Variants in B4GALT5 observed in about 807,000 individuals in gnomAD.
B4GALT5 encodes UDP-Gal:beta-GlcNAc beta-1,4-galactosyltransferase 5.
In B4GALT5, 11 loss-of-function variants were observed where a neutral mutation model predicts 45.0. That is an observed-to-expected ratio of 0.24 (90% confidence interval 0.15 to 0.40). The LOEUF (loss-of-function observed/expected upper bound fraction) is 0.40. B4GALT5 is among the 10% of genes least tolerant of loss of function. The probability of loss-of-function intolerance (pLI) is 1.00; values close to 1 mark genes in which losing one functional copy is unlikely to be tolerated. For synonymous variants in B4GALT5, 185 were observed against 182.9 expected (o/e 1.01, Z -0.09); for missense variants, 337 against 500.2 (o/e 0.67, Z 3.11).
chr20:49,663,537 ACGT>A (rs1276677436), intron 1 of B4GALT5, among the ~76,000 whole-genome samples: 20 of 151,272 alleles, frequency 1.3e-4, no homozygotes, highest in African/African-American at 4.8e-4. Context: ...TTGGACATTT[ACGT>A]ATTAAAAAAA....
chr20:49,642,725 G>A (rs1601246389), intron 4 of B4GALT5, 141 bp from the exon 5 acceptor site: 1 of 645,036 alleles, frequency 1.6e-6, no homozygotes, highest in Non-Finnish European at 2.8e-6. Context: ...TCTAAACAAA[G>A]ATCTATGTTG....
chr20:49,667,264 T>G lies in B4GALT5; in HGVS notation c.116-10562A>C, dbSNP rs1383384547. 7.2e-5 allele frequency among the ~76,000 whole-genome samples: 11 copies of G among 151,978 alleles called. No individual in the cohort carries two copies. In the East Asian group the frequency reaches 2.1e-3, roughly 29 times the overall value. On this transcript the variant is annotated intron_variant, in intron 1 of 8. Transcript: ENST00000371711. ...TTTTTTGGCTTGTGTTGTTGTTGTT[T>G]TTTTTGAGACGGACTCTCGCTGTCA...
At chr20:49,713,172 GGGGAATGCC>G (rs1203134340) in intron 1 of B4GALT5, among the ~76,000 whole-genome samples, 1 of 151,732 alleles carries the variant, frequency 6.6e-6, no homozygotes, top group Non-Finnish European at 1.5e-5. Flanking sequence ...ACTGGGGTGC[GGGGAATGCC>G]GGGAATGGGG....
chr20:49,695,237 T>C (rs900518036), intron 1 of B4GALT5, among the ~76,000 whole-genome samples: 8 of 151,644 alleles, frequency 5.3e-5, no homozygotes, highest in African/African-American at 1.9e-4. Context: ...CTTTTGCTCA[T>C]GTTGCCCAGG....
chr20:49,665,791 G>C (rs2085687875), intron 1 of B4GALT5, among the ~76,000 whole-genome samples: 1 of 150,036 alleles, frequency 6.7e-6, no homozygotes, highest in South Asian at 2.1e-4. Context: ...GGTAATTCTA[G>C]AGTATGGTCC....
At chr20:49,639,937 A>G in intron 6 of B4GALT5, 137 bp from the exon 7 acceptor site, 2 of 1,244,636 alleles carry the variant, frequency 1.6e-6, no homozygotes, top group South Asian at 3.1e-5. Flanking sequence ...AAATTAGCAA[A>G]ATTAATTTTT....
chr20:49,694,495 A>T (rs6019977), intron 1 of B4GALT5, among the ~76,000 whole-genome samples: 2,205 of 151,972 alleles, frequency 0.015, 59 homozygotes, highest in African/African-American at 0.05. Context: ...CTACAAAAAA[A>T]TTTTTTAAAA....
rs904116306 is a variant in B4GALT5, at chr20:49,635,489, CG to C, written c.*822del. On this transcript the variant is annotated 3_prime_UTR_variant, in exon 9 of 9. Coordinates refer to ENST00000371711, the MANE Select transcript of B4GALT5 (RefSeq NM_004776.4). ...GAAGCCAGCTCCCAGCAATAAAGGTCGGGTTATTTTGTTCTTTTGTGACATG... is the reference window on the plus strand; with the variant it reads ...GAAGCCAGCTCCCAGCAATAAAGGTCGGTTATTTTGTTCTTTTGTGACATG... The C allele has an allele frequency of 4.6e-5, 7 of 152,130 alleles. No individual in the cohort carries two copies. The highest frequency in any genetic ancestry group is 1.3e-4 in the Admixed American group (2 of 15,270). The allele number at this position is 152,130 out of a possible 1,614,324, so 9.4% of individuals were successfully genotyped here.
At position 49,643,598 on chromosome 20, in the gene B4GALT5, T is replaced by C. The variant is rs1453127924; in HGVS notation, c.417A>G (p.Glu139=). 1 of 1,613,950 alleles carries C rather than the reference T, an allele frequency of 6.2e-7. No individual in the cohort carries two copies. The change falls in exon 4 of 9, where the codon GAA becomes GAG. Residue 139 remains glutamate (E), a synonymous_variant. Coordinates refer to ENST00000371711, the MANE Select transcript of B4GALT5 (RefSeq NM_004776.4). The part of the protein sequence containing the change: ...MSEIGMDYIH[E]LFSKDPTIKL... Reference sequence around the variant, plus strand: ...TGATGGTTGGGTCTTTGGAGAAGAGTTCATGAATGTAATCCATTCCAATTT... The same window carrying C: ...TGATGGTTGGGTCTTTGGAGAAGAGCTCATGAATGTAATCCATTCCAATTT...
intron 1 of B4GALT5, among the ~76,000 whole-genome samples, chr20:49,705,303 A>C (rs1428078532): frequency 6.6e-6 from 1 of 151,942 alleles, no homozygotes; most frequent in Non-Finnish European, 1.5e-5. Flanking sequence ...CCCACAGGAC[A>C]AAAAAAATGG....
In B4GALT5 at chr20:49,634,848, CAG is replaced by C. The variant is rs915328635; in HGVS notation, c.*1462_*1463del. 6.6e-6 allele frequency: 1 copy of C among 152,324 alleles called. No homozygotes were observed. Among genetic ancestry groups the C allele is most frequent in the African/African-American group, 2.4e-5 (1 of 41,454 alleles). 9.4% of individuals were successfully genotyped at this position (152,324 alleles called of 1,614,324 possible). A position where few individuals can be genotyped will look rare whatever the true frequency, so the allele number is the denominator to read the frequency against. On this transcript the variant is annotated 3_prime_UTR_variant, in exon 9 of 9. Coordinates refer to ENST00000371711, the MANE Select transcript of B4GALT5 (RefSeq NM_004776.4). The stretch of plus-strand genomic sequence containing the variant: ...TGCCACCACACTCCAGCTTAGGCGA[CAG>C]AGCCAGACCGTCTTAAAAAACAAAA...
At position 49,636,335 on chromosome 20, in the gene B4GALT5, G is replaced by A; in HGVS notation, c.1144C>T (p.Leu382=). The change falls in exon 9 of 9, where the codon CTG becomes TTG. Residue 382 remains leucine (L), a synonymous_variant. Coordinates refer to ENST00000371711, the MANE Select transcript of B4GALT5 (RefSeq NM_004776.4). The part of the protein sequence containing the change: ...KNITVNLTPE[L]AQVNEY ...TCTCAGTACTCGTTCACCTGAGCCA[G>A]CTCGGGTGTCAGGTTGACAGTTATG... The A allele has an allele frequency of 6.2e-7, 1 of 1,614,148 alleles. No homozygotes were observed. Among genetic ancestry groups the A allele is most frequent in the Non-Finnish European group, 8.5e-7 (1 of 1,180,024 alleles).
intron 2 of B4GALT5, among the ~76,000 whole-genome samples, chr20:49,650,892 G>A (rs2085619737): frequency 6.6e-6 from 1 of 152,140 alleles, no homozygotes; most frequent in Non-Finnish European, 1.5e-5. Context: ...AGAAAAACAA[G>A]CCTGTTGAAT....
Position 49,672,585 on chromosome 20 carries a change from A to G in B4GALT5, c.116-15883T>C, listed in dbSNP as rs867521269. On this transcript the variant is annotated intron_variant, in intron 1 of 8. Transcript: ENST00000371711. ...AGACTCTGTCACTTGATCAGACATA[A>G]ACTTTTCTTTCTTTAGCTAAGTAAT... Among the ~76,000 whole-genome samples the G allele has an allele frequency of 2.0e-5, 3 of 152,268 alleles. No individual in the cohort carries two copies. In the Middle Eastern group the frequency reaches 0.01, roughly 518 times the overall value.
intron 2 of B4GALT5, among the ~76,000 whole-genome samples, chr20:49,647,688 T>C (rs1439350441): frequency 5.9e-5 from 9 of 152,248 alleles, no homozygotes; most frequent in Admixed American, 3.9e-4. Context: ...TTTTTCTGTT[T>C]GCTCAGTTTT....
intron 7 of B4GALT5, among the ~76,000 whole-genome samples, chr20:49,637,699 C>T (rs1318680036): frequency 6.6e-6 from 1 of 151,414 alleles, no homozygotes; most frequent in Non-Finnish European, 1.5e-5. Context: ...TTTGGGAGGC[C>T]GAGGTGGGCA....
chr20:49,648,760 T>C (rs1008472237), intron 2 of B4GALT5, among the ~76,000 whole-genome samples: 1 of 152,040 alleles, frequency 6.6e-6, no homozygotes, highest in African/African-American at 2.4e-5. Context: ...ACTTGTAGAG[T>C]AGGAGGAGGG....
At chr20:49,677,272 TA>T (rs1166955386) in intron 1 of B4GALT5, among the ~76,000 whole-genome samples, 1 of 151,930 alleles carries the variant, frequency 6.6e-6, no homozygotes, top group African/African-American at 2.4e-5. Context: ...AGCCCTAAGA[TA>T]ATAGCACAGA....
intron 1 of B4GALT5, among the ~76,000 whole-genome samples, chr20:49,697,949 C>T (rs1043252826): frequency 2.0e-5 from 3 of 152,276 alleles, no homozygotes; most frequent in East Asian, 1.9e-4. Context: ...AAATAAACTG[C>T]CCCTGCTTTT....
Sources: allele counts gnomAD v4.1 joint callset (sites outside exome capture counted in the v4.1 genomes callset), GRCh38; gene constraint gnomAD v4.1.1; transcripts MANE v1.5; gene names NCBI Gene and HGNC (gene_info 2026-07-23, HGNC 2026-07-21).